AMBRA1: variants seen among roughly 807,000 people sequenced by gnomAD.
The protein encoded by AMBRA1 is autophagy and beclin 1 regulator 1, also known as activating molecule in BECN1-regulated autophagy protein 1.
AMBRA1 carries 47 observed loss-of-function variants against 125.4 expected under a neutral mutation model. The observed-to-expected ratio is 0.37, with a 90% CI of 0.30 to 0.48. The LOEUF (loss-of-function observed/expected upper bound fraction) is 0.48, where lower values mean the gene tolerates loss of function less well. Among genes scored for constraint, AMBRA1 ranks in the 20% least tolerant of loss-of-function variants. The pLI, the probability that AMBRA1 is intolerant of heterozygous loss-of-function variation, is 0.99. For synonymous variants in AMBRA1, 626 were observed against 655.5 expected (o/e 0.95, Z 0.69); for missense variants, 1,331 against 1,693.4 (o/e 0.79, Z 3.76).
At chr11:46,553,515 G>A (rs2043072883) in intron 1 of AMBRA1, among the ~76,000 whole-genome samples, 1 of 152,042 alleles carries the variant, frequency 6.6e-6, no homozygotes, top group African/African-American at 2.4e-5. Context: ...GGGAGGCCAA[G>A]GCGGGCAGAT....
chr11:46,401,988 G>A (rs933360672), intron 17 of AMBRA1, among the ~76,000 whole-genome samples: 1 of 152,120 alleles, frequency 6.6e-6, no homozygotes, highest in South Asian at 2.1e-4. Flanking sequence ...CAGGTACCCG[G>A]CAGCCCTGCT....
At chr11:46,458,283 TG>T (rs1445371181) in intron 11 of AMBRA1, among the ~76,000 whole-genome samples, 1 of 152,230 alleles carries the variant, frequency 6.6e-6, no homozygotes, top group Non-Finnish European at 1.5e-5. Context: ...AGGACGCACC[TG>T]GAACACAGCC....
intron 9 of AMBRA1, among the ~76,000 whole-genome samples, chr11:46,497,933 T>TGAAG (rs1206519246): frequency 6.6e-6 from 1 of 152,212 alleles, no homozygotes; most frequent in East Asian, 1.9e-4. Flanking sequence ...GTGGAAGAAC[T>TGAAG]GAAGGGAGAG....
intron 1 of AMBRA1, among the ~76,000 whole-genome samples, chr11:46,585,603 T>G (rs2044343256): frequency 1.8e-5 from 2 of 112,664 alleles, no homozygotes; most frequent in Non-Finnish European, 3.4e-5. Flanking sequence ...GAGGCGGAGG[T>G]TGCAGTGAGC....
chr11:46,539,174 G>A (rs1952621546), intron 7 of AMBRA1, among the ~76,000 whole-genome samples: 1 of 152,042 alleles, frequency 6.6e-6, no homozygotes, highest in Non-Finnish European at 1.5e-5. Flanking sequence ...TAGGTGTATG[G>A]AAGCTCAGTT....
At chr11:46,569,366 T>C (rs979186300) in intron 1 of AMBRA1, among the ~76,000 whole-genome samples, 1 of 147,940 alleles carries the variant, frequency 6.8e-6, no homozygotes, top group African/African-American at 2.5e-5. Flanking sequence ...TGGGATCATA[T>C]ATAACACACA....
chr11:46,433,438 C>T, intron 14 of AMBRA1, 36 bp downstream of exon 14: 1 of 1,604,864 alleles, frequency 6.2e-7, no homozygotes, highest in Non-Finnish European at 8.5e-7. Flanking sequence ...CCTAGGGGAG[C>T]TGCCATACAG....
At chr11:46,569,916 G>A (rs917191933) in intron 1 of AMBRA1, among the ~76,000 whole-genome samples, 3 of 151,938 alleles carry the variant, frequency 2.0e-5, no homozygotes, top group African/African-American at 4.8e-5. Context: ...AGCCAAGATC[G>A]CACCACTGCA....
At position 46,531,771 on chromosome 11, in the gene AMBRA1, A is replaced by C. The variant is rs571000975; in HGVS notation, c.2072+10174T>G. 3.3e-5 allele frequency among the ~76,000 whole-genome samples: 5 copies of C among 151,940 alleles called. No homozygotes were observed. In the East Asian group the frequency reaches 9.7e-4, roughly 30 times the overall value. On this transcript the variant is annotated intron_variant, in intron 7 of 17. Transcript: ENST00000683756. ...CTCTATCCTCATTCCCATATTGCCA[A>C]AGAGAAAATGGGTTGCCTAACCACC...
chr11:46,450,598 A>T (rs1448780604), intron 11 of AMBRA1, among the ~76,000 whole-genome samples: 4 of 151,776 alleles, frequency 2.6e-5, no homozygotes, highest in African/African-American at 9.7e-5. Flanking sequence ...TGCCACCATG[A>T]CCAGCTGATT....
At chr11:46,582,297 CCTTT>C (rs2044203605) in intron 1 of AMBRA1, among the ~76,000 whole-genome samples, 1 of 152,028 alleles carries the variant, frequency 6.6e-6, no homozygotes, top group Non-Finnish European at 1.5e-5. Flanking sequence ...TATTCCCTTC[CCTTT>C]CTATCCTTCT....
chr11:46,561,622 A>C (rs1286867535), intron 1 of AMBRA1, among the ~76,000 whole-genome samples: 1 of 152,178 alleles, frequency 6.6e-6, no homozygotes, highest in African/African-American at 2.4e-5. Context: ...TGCTTGGCTT[A>C]GTAGATACTG....
intron 15 of AMBRA1, among the ~76,000 whole-genome samples, chr11:46,416,730 ACT>A (rs763862868): frequency 8.2e-4 from 125 of 152,266 alleles, no homozygotes; most frequent in Admixed American, 2.0e-3. Flanking sequence ...CTGGGAAAAG[ACT>A]CTGCACCAAG....
chr11:46,578,233 T>G (rs1011487018), intron 1 of AMBRA1, among the ~76,000 whole-genome samples: 1 of 152,008 alleles, frequency 6.6e-6, no homozygotes, highest in Non-Finnish European at 1.5e-5. Flanking sequence ...ACACCTGTAA[T>G]CCCAGCACCT....
chr11:46,479,680 G>C (rs1325126542), intron 11 of AMBRA1, among the ~76,000 whole-genome samples: 1 of 152,162 alleles, frequency 6.6e-6, no homozygotes, highest in Non-Finnish European at 1.5e-5. Flanking sequence ...CTGGGCGACA[G>C]AGCGAGATTC....
At chr11:46,565,643 G>A (rs1319539448) in intron 1 of AMBRA1, among the ~76,000 whole-genome samples, 3 of 152,024 alleles carry the variant, frequency 2.0e-5, no homozygotes, top group African/African-American at 7.2e-5. Flanking sequence ...AGAGGCGGAG[G>A]TTGCAATGAA....
At chr11:46,524,905 G>C (rs1314697190) in intron 7 of AMBRA1, among the ~76,000 whole-genome samples, 2 of 152,244 alleles carry the variant, frequency 1.3e-5, no homozygotes, top group East Asian at 3.8e-4. Context: ...AACAAGAACA[G>C]TCAGGTATCC....
intron 9 of AMBRA1, among the ~76,000 whole-genome samples, chr11:46,506,039 G>C (rs1951024775): frequency 6.6e-6 from 1 of 152,208 alleles, no homozygotes; most frequent in African/African-American, 2.4e-5. Context: ...AGCAGCCTTG[G>C]CATGTATGTT....
intron 8 of AMBRA1, 74 bp downstream of exon 8, chr11:46,512,653 G>C: frequency 8.3e-7 from 1 of 1,203,330 alleles, no homozygotes; most frequent in South Asian, 1.3e-5. Context: ...GCACAGAACG[G>C]AGCTTCCAAC....
Sources: gnomAD v4.1 joint callset for allele counts (sites outside exome capture counted in the v4.1 genomes callset) on GRCh38, gnomAD v4.1.1 for gene constraint, MANE v1.5 for transcripts, NCBI Gene and HGNC (gene_info 2026-07-23, HGNC 2026-07-21) for gene names.